PATJ: variants seen among roughly 807,000 people sequenced by gnomAD.
PATJ encodes the protein PATJ crumbs cell polarity complex component.
In PATJ, 190 loss-of-function variants were observed where a neutral mutation model predicts 224.9. The ratio of observed to expected loss-of-function variants is 0.84; its 90% CI spans 0.75 to 0.95. PATJ has a LOEUF of 0.95. Ranked by LOEUF, PATJ falls within the 40% of genes least tolerant of loss-of-function variation. PATJ has a pLI of 0.00. For missense variants in PATJ, 2,121 were observed against 2,270.3 expected, an observed-to-expected ratio of 0.93 and a Z score of 1.34; for synonymous variants, 769 against 820.3, an observed-to-expected ratio of 0.94 and a Z score of 1.07.
intron 27 of PATJ, among the ~76,000 whole-genome samples, chr1:61,964,404 T>G (rs891174229): frequency 6.6e-6 from 1 of 152,198 alleles, no homozygotes; most frequent in Non-Finnish European, 1.5e-5. Flanking sequence ...TAATTTCTTA[T>G]GTGTTCTCGA....
chr1:62,039,010 C>T (rs1347616723), intron 30 of PATJ: 4 of 1,205,118 alleles, frequency 3.3e-6, no homozygotes, highest in African/African-American at 3.0e-5. Flanking sequence ...AACCTCTGAC[C>T]CCACTGATAC....
At chr1:61,806,618 CAAAA>C (rs112615750) in intron 13 of PATJ, among the ~76,000 whole-genome samples, 2 of 75,030 alleles carry the variant, frequency 2.7e-5, no homozygotes, top group Admixed American at 1.5e-4. Context: ...GATTCCGCCT[CAAAA>C]AAAAAAAAAA....
chr1:61,988,167 C>G (rs971996979), intron 27 of PATJ, among the ~76,000 whole-genome samples: 3 of 152,042 alleles, frequency 2.0e-5, no homozygotes, highest in African/African-American at 7.2e-5. Flanking sequence ...CCACTGCACT[C>G]CAGCCTGGGT....
chr1:61,795,416 A>C, intron 9 of PATJ, 51 bp from the exon 10 acceptor site: 27 of 1,045,442 alleles, frequency 2.6e-5, no homozygotes, highest in Non-Finnish European at 3.4e-5. Context: ...TTTTGCAATC[A>C]AGGCCTAATT....
chr1:61,769,396 T>A lies in PATJ; in HGVS notation c.498T>A (p.Asp166Glu), dbSNP rs1332589176. The change falls in exon 5 of 44, where the codon GAT becomes GAA. Residue 166 changes from aspartate to glutamate, a missense_variant. Asp to Glu is a conservative substitution (Grantham distance 45, BLOSUM62 2). Transcript: ENST00000642238. ...GAAAAGTTGATATCTTCGTGAAGGA[T>A]GTCCAGCCAGGGAGTGTAGCAGACA... ...NLGKVDIFVK[D>E]VQPGSVADRD... 1.2e-6 allele frequency: 2 copies of A among 1,614,018 alleles called. No homozygotes were observed. The highest frequency in any genetic ancestry group is 8.5e-7 in the Non-Finnish European group (1 of 1,180,010).
At chr1:62,098,092 G>A (rs1236920881) in intron 33 of PATJ, among the ~76,000 whole-genome samples, 1 of 152,128 alleles carries the variant, frequency 6.6e-6, no homozygotes. Flanking sequence ...GGGTGTGGTG[G>A]CTCACACCTG....
chr1:61,899,713 T>C lies in PATJ; in HGVS notation c.3203+59T>C. ...AGGAGCACAACCAGTTGCTCTTTTC[T>C]TTAACTTAACAGAACATTATTTAGT... On this transcript the variant is annotated intron_variant, in intron 23 of 43. Transcript: ENST00000642238. 6.0e-6 allele frequency: 7 copies of C among 1,163,210 alleles called. No homozygotes were observed. In the South Asian group the frequency reaches 9.4e-5, roughly 16 times the overall value. 72.1% of individuals were successfully genotyped at this position (1,163,210 alleles called of 1,614,324 possible).
intron 5 of PATJ, among the ~76,000 whole-genome samples, chr1:61,769,998 GTC>G (rs1303105236): frequency 6.6e-5 from 10 of 151,804 alleles, no homozygotes; most frequent in African/African-American, 9.7e-5. Flanking sequence ...CTTTTATTTT[GTC>G]TCTGTTTGAT....
intron 22 of PATJ, among the ~76,000 whole-genome samples, chr1:61,895,321 C>T (rs1239733647): frequency 6.6e-6 from 1 of 152,192 alleles, no homozygotes; most frequent in Non-Finnish European, 1.5e-5. Flanking sequence ...GGGAAAATAT[C>T]TCCAGGGCAT....
chr1:62,105,174 T>C (rs1169515391), intron 33 of PATJ, among the ~76,000 whole-genome samples: 1 of 152,204 alleles, frequency 6.6e-6, no homozygotes, highest in Non-Finnish European at 1.5e-5. Flanking sequence ...GGATAGTTCA[T>C]TGAGCGCCAG....
intron 5 of PATJ, 79 bp from the exon 6 acceptor site, chr1:61,771,352 C>A: frequency 1.2e-6 from 1 of 836,308 alleles, no homozygotes; most frequent in Non-Finnish European, 1.8e-6. Context: ...CCATAGGCAA[C>A]AAACTGCTTA....
intron 26 of PATJ, among the ~76,000 whole-genome samples, chr1:61,924,786 C>G (rs2149274545): frequency 6.6e-6 from 1 of 152,242 alleles, no homozygotes; most frequent in East Asian, 1.9e-4. Context: ...AGTGCAGATA[C>G]ACAATGTATT....
At chr1:61,761,643 A>C (rs1645976645) in intron 1 of PATJ, among the ~76,000 whole-genome samples, 1 of 151,926 alleles carries the variant, frequency 6.6e-6, no homozygotes, top group Admixed American at 6.6e-5. Flanking sequence ...GAAAAACTTA[A>C]CAAGGCCTGT....
intron 28 of PATJ, 96 bp from the exon 29 acceptor site, chr1:62,017,760 A>G: frequency 1.5e-6 from 1 of 675,688 alleles, no homozygotes; most frequent in Admixed American, 2.5e-5. Flanking sequence ...AAAGAAAAGA[A>G]AAGAAATTCA....
chr1:61,823,401 G>C (rs1286813), intron 15 of PATJ, among the ~76,000 whole-genome samples: 87,618 of 152,024 alleles, frequency 0.58, 26,260 homozygotes, highest in East Asian at 0.84. Context: ...TTTATTTGCA[G>C]GTTTTATTGA....
intron 20 of PATJ, among the ~76,000 whole-genome samples, chr1:61,870,985 C>T (rs1211878139): frequency 1.3e-5 from 2 of 151,324 alleles, no homozygotes; most frequent in Non-Finnish European, 2.9e-5. Context: ...AGCATCCTTT[C>T]ATGTGCTTAT....
chr1:61,890,080 T>G (rs72676231), intron 22 of PATJ, among the ~76,000 whole-genome samples: 1 of 152,208 alleles, frequency 6.6e-6, no homozygotes, highest in Non-Finnish European at 1.5e-5. Flanking sequence ...TTATGAGTGA[T>G]GTTCATATCT....
chr1:62,042,686 G>C (rs1360728284), intron 30 of PATJ, among the ~76,000 whole-genome samples: 1 of 151,996 alleles, frequency 6.6e-6, no homozygotes, highest in East Asian at 1.9e-4. Context: ...TTTTTCTGTA[G>C]CCCAGGCTAG....
chr1:61,826,396 G>A (rs1658263843), intron 15 of PATJ, among the ~76,000 whole-genome samples: 1 of 124,872 alleles, frequency 8.0e-6, no homozygotes, highest in African/African-American at 2.9e-5. Flanking sequence ...TGCCAGACTA[G>A]AAATATCTTT....
Sources: gnomAD v4.1 joint callset for allele counts (sites outside exome capture counted in the v4.1 genomes callset) on GRCh38, gnomAD v4.1.1 for gene constraint, MANE v1.5 for transcripts, NCBI Gene and HGNC (gene_info 2026-07-23, HGNC 2026-07-21) for gene names.